Variants in TNR observed in about 807,000 individuals in gnomAD.
TNR encodes the protein tenascin-R.
A neutral mutation model predicts 150.4 loss-of-function variants in TNR; 45 were observed. The ratio of observed to expected loss-of-function variants is 0.30; its 90% CI spans 0.24 to 0.38. TNR has a LOEUF of 0.38. Among genes scored for constraint, TNR ranks in the 10% least tolerant of loss-of-function variants. The pLI is 1.00. For missense variants in TNR, 1,544 were observed against 1,759.1 expected (o/e 0.88, Z 2.19); for synonymous variants, 687 against 678.4 (o/e 1.01, Z -0.20).
intron 1 of TNR, among the ~76,000 whole-genome samples, chr1:175,662,777 G>T (rs1177371050): frequency 6.6e-6 from 1 of 152,178 alleles, no homozygotes; most frequent in Non-Finnish European, 1.5e-5. Context: ...GGCCGAGAAG[G>T]CCTATTACTG....
At chr1:175,543,578 T>C (rs188359674) in intron 1 of TNR, among the ~76,000 whole-genome samples, 7 of 152,296 alleles carry the variant, frequency 4.6e-5, no homozygotes, top group Admixed American at 4.6e-4. Flanking sequence ...TATCCCTTCC[T>C]TTAATATGCA....
intron 2 of TNR, among the ~76,000 whole-genome samples, chr1:175,471,853 C>T (rs139107559): frequency 3.0e-4 from 45 of 152,202 alleles, no homozygotes; most frequent in African/African-American, 8.7e-4. Context: ...TTTGCAATAA[C>T]GTAACTTAAA....
intron 2 of TNR, among the ~76,000 whole-genome samples, chr1:175,458,486 G>C (rs1032094140): frequency 6.6e-6 from 1 of 152,132 alleles, no homozygotes; most frequent in African/African-American, 2.4e-5. Context: ...ATGAGCTAAG[G>C]CAAATGAGTA....
intron 9 of TNR, among the ~76,000 whole-genome samples, 159 bp from the exon 10 acceptor site, chr1:175,367,456 C>A (rs1196229027): frequency 1.3e-5 from 2 of 152,166 alleles, no homozygotes; most frequent in Non-Finnish European, 2.9e-5. Context: ...CCCAATTTCA[C>A]TATTTAGGAA....
chr1:175,472,814 T>A (rs1292311798), intron 2 of TNR, among the ~76,000 whole-genome samples: 2 of 152,208 alleles, frequency 1.3e-5, no homozygotes, highest in East Asian at 3.8e-4. Flanking sequence ...CTGTAACATC[T>A]ACTATCCCTG....
chr1:175,467,348 A>G (rs1213683035), intron 2 of TNR, among the ~76,000 whole-genome samples: 3 of 152,198 alleles, frequency 2.0e-5, no homozygotes, highest in Non-Finnish European at 2.9e-5. Context: ...TTTCTGCCTC[A>G]TGTTCTTTAA....
intron 1 of TNR, among the ~76,000 whole-genome samples, chr1:175,565,677 G>C (rs1332079339): frequency 6.6e-6 from 1 of 152,032 alleles, no homozygotes; most frequent in Non-Finnish European, 1.5e-5. Context: ...TTACTTTCTA[G>C]GACTTTACCC....
chr1:175,315,797 CAT>C lies in TNR; in HGVS notation c.*7558_*7559del, dbSNP rs1491275112. 3 of 136,772 alleles carry C rather than the reference CAT, an allele frequency of 2.2e-5. No individual in the cohort carries two copies. The highest frequency in any genetic ancestry group is 3.1e-5 in the Non-Finnish European group (2 of 64,608). 8.5% of individuals were successfully genotyped at this position (136,772 alleles called of 1,614,324 possible). On this transcript the variant is annotated 3_prime_UTR_variant, in exon 23 of 23. Coordinates refer to ENST00000367674, the MANE Select transcript of TNR (RefSeq NM_003285.3). ...ATGTGCACCTGTGTATGTGTGCATG[CAT>C]GTGTGTGTGTGCATGTGTGTGTGTG... is the stretch of plus-strand genomic sequence containing the variant.
chr1:175,587,881 A>T (rs1408255749), intron 1 of TNR, among the ~76,000 whole-genome samples: 1 of 152,144 alleles, frequency 6.6e-6, no homozygotes, highest in Non-Finnish European at 1.5e-5. Context: ...TTCCCATGTA[A>T]CCACTAAGAG....
intron 9 of TNR, among the ~76,000 whole-genome samples, chr1:175,371,970 G>A (rs1024791804): frequency 7.9e-5 from 12 of 152,144 alleles, no homozygotes; most frequent in Non-Finnish European, 1.8e-4. Flanking sequence ...CAATGTTGGT[G>A]GTGGGGCCCA....
chr1:175,472,266 T>A (rs948444174), intron 2 of TNR, among the ~76,000 whole-genome samples: 1 of 152,116 alleles, frequency 6.6e-6, no homozygotes, highest in Non-Finnish European at 1.5e-5. Flanking sequence ...AGCAATAACA[T>A]GTGTGGAGTT....
intron 1 of TNR, among the ~76,000 whole-genome samples, chr1:175,722,638 C>T (rs941189422): frequency 1.4e-4 from 21 of 151,496 alleles, no homozygotes; most frequent in African/African-American, 4.4e-4. Context: ...CTAATCTTTG[C>T]GTTTTTTATA....
At chr1:175,593,679 C>T (rs1419586415) in intron 1 of TNR, among the ~76,000 whole-genome samples, 3 of 152,154 alleles carry the variant, frequency 2.0e-5, no homozygotes, top group Non-Finnish European at 2.9e-5. Flanking sequence ...CCTTCAGAAA[C>T]CCTGTCACTA....
chr1:175,519,824 G>T (rs1659563255), intron 2 of TNR, among the ~76,000 whole-genome samples: 1 of 152,156 alleles, frequency 6.6e-6, no homozygotes, highest in East Asian at 1.9e-4. Context: ...CCCTAACTTG[G>T]AAGTGACAAG....
At chr1:175,649,912 G>A (rs546716406) in intron 1 of TNR, among the ~76,000 whole-genome samples, 188 of 152,208 alleles carry the variant, frequency 1.2e-3, no homozygotes, top group Non-Finnish European at 1.5e-3. Flanking sequence ...CCTCTGCCTG[G>A]AAGATGTTTC....
chr1:175,577,306 C>T (rs1054809576), intron 1 of TNR, among the ~76,000 whole-genome samples: 7 of 152,118 alleles, frequency 4.6e-5, no homozygotes, highest in Non-Finnish European at 7.4e-5. Context: ...TTTTCTTTGT[C>T]CTTGGGATCA....
At chr1:175,365,333 G>C in intron 11 of TNR, 54 bp from the exon 12 acceptor site, 1 of 1,529,842 alleles carries the variant, frequency 6.5e-7, no homozygotes, top group South Asian at 1.3e-5. Flanking sequence ...ATGGGTCACT[G>C]GGCTAGAAGA....
At chr1:175,436,642 C>T (rs530749692) in intron 2 of TNR, among the ~76,000 whole-genome samples, 5 of 152,266 alleles carry the variant, frequency 3.3e-5, no homozygotes, top group East Asian at 1.9e-4. Context: ...ACCCACCTCA[C>T]GTTCAGAGAC....
chr1:175,330,481 C>A (rs1649683437), intron 20 of TNR: 2 of 345,174 alleles, frequency 5.8e-6, no homozygotes, highest in Admixed American at 8.9e-5. Flanking sequence ...GTTCTAATAC[C>A]TCCTCTTGAC....
Sources: allele counts gnomAD v4.1 joint callset (sites outside exome capture counted in the v4.1 genomes callset), GRCh38; gene constraint gnomAD v4.1.1; transcripts MANE v1.5; gene names NCBI Gene and HGNC (gene_info 2026-07-23, HGNC 2026-07-21).